NSD2: variants seen among roughly 807,000 people sequenced by gnomAD.
The protein encoded by NSD2 is nuclear receptor binding SET domain protein 2.
Under a neutral mutation model 139.0 loss-of-function variants are expected in NSD2, and 12 were observed. The observed-to-expected ratio is 0.09, with a 90% CI of 0.06 to 0.14. The LOEUF is 0.14. NSD2 is among the 10% of genes least tolerant of loss of function. The pLI, the probability that NSD2 is intolerant of heterozygous loss-of-function variation, is 1.00. For missense variants in NSD2, 1,155 were observed against 1,745.0 expected (o/e 0.66, Z 6.02); for synonymous variants, 669 against 648.7 (o/e 1.03, Z -0.48).
chr4:1,946,310 C>A, intron 9 of NSD2: 1 of 785,492 alleles, frequency 1.3e-6, no homozygotes, highest in Non-Finnish European at 1.6e-6. Flanking sequence ...GTTGGCCAGG[C>A]TGGAGTGCAG....
At position 1,959,380 on chromosome 4, in the gene NSD2, G is replaced by C. The variant is rs1449155623; in HGVS notation, c.2986-91G>C. ...CTGAAGCTTTCTAAAAGGCCACCTG[G>C]AGGCTGGGTAAGGAGAGGCAGTGGT... On this transcript the variant is annotated intron_variant, in intron 16 of 21. Coordinates refer to ENST00000508803, the MANE Select transcript of NSD2 (RefSeq NM_001042424.3). 4.7e-6 allele frequency: 7 copies of C among 1,500,670 alleles called. No individual in the cohort carries two copies. In the Admixed American group the frequency reaches 1.3e-4, roughly 27 times the overall value. The allele number at this position is 1,500,670 out of a possible 1,614,324, so 93.0% of individuals were successfully genotyped here.
chr4:1,954,891 A>G (rs965389708), intron 12 of NSD2, among the ~76,000 whole-genome samples: 2 of 152,182 alleles, frequency 1.3e-5, no homozygotes, highest in African/African-American at 4.8e-5. Flanking sequence ...ATGCTGCTCC[A>G]CACTGCACAA....
chr4:1,935,021 G>T lies in NSD2; in HGVS notation c.1556-123G>T, dbSNP rs142000931. The T allele has an allele frequency of 7.3e-3, 4,283 of 589,618 alleles. 30 individuals are homozygous for T. The highest frequency in any genetic ancestry group is 0.014 in the South Asian group (485 of 34,484). 36.5% of individuals were successfully genotyped at this position (589,618 alleles called of 1,614,324 possible). On this transcript the variant is annotated intron_variant, in intron 6 of 21. Transcript: ENST00000508803. Reference sequence around the variant, plus strand: ...GACATAAGCCCTGGAAATCAGCAGGGTTACAGGAAACCCATCATGGGCTGG... The same window carrying T: ...GACATAAGCCCTGGAAATCAGCAGGTTTACAGGAAACCCATCATGGGCTGG...
rs1379039401 is a variant in NSD2 at position 1,918,521 on chromosome 4, G to A, written c.1308G>A (p.Gly436=). The change falls in exon 5 of 22, where the codon GGG becomes GGA. Residue 436 remains glycine, a synonymous_variant. Transcript: ENST00000508803. ...AGGCTGACCCCAGAAGAGGAGTAGG[G>A]TCTCCTCCTGGGAGGAAGAAGACCA... ...TAEADPRRGV[G]SPPGRKKTTV... 1 of 1,613,920 alleles carries A rather than the reference G, an allele frequency of 6.2e-7. No homozygotes were observed. The highest frequency in any genetic ancestry group is 8.5e-7 in the Non-Finnish European group (1 of 1,179,932).
At position 1,918,621 on chromosome 4, in the gene NSD2, G is replaced by T; in HGVS notation, c.1408G>T (p.Glu470Ter). ...GGTCTTCTGTCAAAAACACAGGGAT[G>T]AGGTCAGTACTAAGTTGTGTTTCAT... is the stretch of plus-strand genomic sequence containing the variant. The part of the protein sequence containing the change: ...FLVFCQKHRD[E>*]VVAEHPDASG... Residue 470 changes from glutamate to a stop codon, truncating the protein, a stop_gained and splice_region_variant, in exon 5 of 22, where the codon GAG becomes TAG. Transcript: ENST00000508803. LOFTEE classifies it high-confidence loss of function. 1 of 1,613,634 alleles carries T rather than the reference G, an allele frequency of 6.2e-7. No homozygotes were observed. Among genetic ancestry groups the T allele is most frequent in the South Asian group, 1.1e-5 (1 of 91,028 alleles).
intron 20 of NSD2, 89 bp downstream of exon 20, chr4:1,975,489 C>T: frequency 2.0e-5 from 25 of 1,229,484 alleles, no homozygotes; most frequent in Non-Finnish European, 2.8e-5. Flanking sequence ...CAGCGGCTTC[C>T]TCCAGGCTGG....
At chr4:1,968,463 T>G (rs540082533) in intron 18 of NSD2, among the ~76,000 whole-genome samples, 2 of 152,278 alleles carry the variant, frequency 1.3e-5, no homozygotes, top group African/African-American at 4.8e-5. Flanking sequence ...TTAGACTTTG[T>G]TAAAGTATAC....
chr4:1,955,234 A>G lies in NSD2; in HGVS notation c.2412A>G (p.Ser804=), dbSNP rs533930174. 2.5e-6 allele frequency: 4 copies of G among 1,614,168 alleles called. No individual in the cohort carries two copies. Among genetic ancestry groups the G allele is most frequent in the East Asian group, 4.5e-5 (2 of 44,890 alleles). ...SGDACLAAGC[S]VIASNSIICT... is the part of the protein sequence containing the mutation. ...ATGCTTGTCTGGCAGCAGGATGCTC[A>G]GTGATCGCCTCCAACAGCATCATCT... The change falls in exon 13 of 22, where the codon TCA becomes TCG. Residue 804 remains serine, a synonymous_variant. Transcript: ENST00000508803. The surrounding 1 kb of genome is among the most constrained non-coding windows in gnomAD (Gnocchi z 4.7).
At chr4:1,947,542 T>C in intron 9 of NSD2, 3 of 1,053,524 alleles carry the variant, frequency 2.8e-6, no homozygotes, top group Non-Finnish European at 3.4e-6. Flanking sequence ...TGTTATGAAC[T>C]ATAGTATTTT....
At chr4:1,904,162 T>TACAC in intron 2 of NSD2, 54 bp from the exon 3 acceptor site, 2 of 1,567,872 alleles carry the variant, frequency 1.3e-6, no homozygotes, top group Non-Finnish European at 1.7e-6. Context: ...GTCTTCTGGA[T>TACAC]ACACAGGTAG....
intron 9 of NSD2, chr4:1,945,655 A>G: frequency 1.0e-5 from 11 of 1,064,064 alleles, no homozygotes; most frequent in Non-Finnish European, 1.3e-5. Context: ...CATGGAAGCC[A>G]GTATAAGCAT....
intron 1 of NSD2, among the ~76,000 whole-genome samples, chr4:1,879,898 C>T (rs1266967572): frequency 6.6e-6 from 1 of 150,750 alleles, no homozygotes; most frequent in African/African-American, 2.4e-5. Flanking sequence ...AGTACTGGGC[C>T]CTCTTATGAC....
chr4:1,929,992 T>C (rs563355432), intron 5 of NSD2, among the ~76,000 whole-genome samples: 2 of 152,256 alleles, frequency 1.3e-5, no homozygotes, highest in Admixed American at 1.3e-4. Flanking sequence ...TGCAGATTCC[T>C]GGTAGGCAGG....
At chr4:1,903,512 C>T (rs1173585963) in intron 2 of NSD2, among the ~76,000 whole-genome samples, 1 of 152,158 alleles carries the variant, frequency 6.6e-6, no homozygotes, top group East Asian at 1.9e-4. Flanking sequence ...GACACATGGG[C>T]TGCTGAGAAC....
intron 5 of NSD2, among the ~76,000 whole-genome samples, chr4:1,927,488 C>T (rs1403450004): frequency 3.9e-5 from 6 of 151,916 alleles, no homozygotes; most frequent in African/African-American, 7.3e-5. Flanking sequence ...GAGGCCATGG[C>T]GGGCAGATCA....
intron 6 of NSD2, among the ~76,000 whole-genome samples, chr4:1,934,394 A>AT (rs921192599): frequency 5.3e-5 from 8 of 150,306 alleles, no homozygotes; most frequent in South Asian, 2.2e-4. Flanking sequence ...CTAGGAAAAG[A>AT]TTTTTTTAAA....
At position 1,974,506 on chromosome 4, in the gene NSD2, G is replaced by A; in HGVS notation, c.3373-357G>A. 2 of 386,202 alleles carry A rather than the reference G, an allele frequency of 5.2e-6. No individual in the cohort carries two copies. The highest frequency in any genetic ancestry group is 2.0e-5 in the African/African-American group (1 of 49,012). The allele number at this position is 386,202 out of a possible 1,614,324, so 23.9% of individuals were successfully genotyped here. ...TGGGATTACAGGCGTGAGCCACTGCGCCCAGCCAGGGTGAGTCTTGTTCTT... is the reference window on the plus strand; with the variant it reads ...TGGGATTACAGGCGTGAGCCACTGCACCCAGCCAGGGTGAGTCTTGTTCTT... On this transcript the variant is annotated intron_variant, in intron 18 of 21. Transcript: ENST00000508803. This position sits in a 1 kb window ranked among gnomAD's most constrained non-coding sequence, Gnocchi z 4.0.
intron 8 of NSD2, 58 bp from the exon 9 acceptor site, chr4:1,939,596 C>CAG: frequency 1.3e-6 from 2 of 1,532,484 alleles, no homozygotes; most frequent in South Asian, 1.1e-5. Flanking sequence ...AATTTTTAAG[C>CAG]AGTAAAAAGA....
At position 1,980,320 on chromosome 4, in the gene NSD2, A is replaced by C. The variant is rs567911260; in HGVS notation, c.*1411A>C. On this transcript the variant is annotated 3_prime_UTR_variant, in exon 22 of 22. Coordinates refer to ENST00000508803, the MANE Select transcript of NSD2 (RefSeq NM_001042424.3). The stretch of plus-strand genomic sequence containing the variant: ...CTGGGAAGTCTGGAGCACCCTGAGA[A>C]GGGGGCACCATGTGTGCCTTTGCCC... 6 of 233,206 alleles carry C rather than the reference A, an allele frequency of 2.6e-5. No individual in the cohort carries two copies. In the East Asian group the frequency reaches 3.6e-4, roughly 14 times the overall value. 14.4% of individuals were successfully genotyped at this position (233,206 alleles called of 1,614,324 possible).
Sources: gnomAD v4.1 joint callset for allele counts (sites outside exome capture counted in the v4.1 genomes callset) on GRCh38, gnomAD v4.1.1 for gene constraint, Gnocchi (gnomAD v3.1) non-coding constraint, MANE v1.5 for transcripts, NCBI Gene and HGNC (gene_info 2026-07-23, HGNC 2026-07-21) for gene names.